Variants in LMX1A observed in about 807,000 individuals in gnomAD.
LMX1A encodes LIM homeobox transcription factor 1 alpha.
LMX1A carries 15 observed loss-of-function variants against 49.1 expected under a neutral mutation model. The ratio of observed to expected loss-of-function variants is 0.31; its 90% CI spans 0.20 to 0.47. The LOEUF is 0.47. LMX1A is among the 20% of genes least tolerant of loss of function. LMX1A has a pLI of 1.00. For synonymous variants in LMX1A, 167 were observed against 185.7 expected, an observed-to-expected ratio of 0.90 and a Z score of 0.82; for missense variants, 372 against 475.8, an observed-to-expected ratio of 0.78 and a Z score of 2.03.
chr1:165,291,203 A>T (rs1441053975), intron 3 of LMX1A, among the ~76,000 whole-genome samples: 2 of 152,232 alleles, frequency 1.3e-5, no homozygotes, highest in Non-Finnish European at 2.9e-5. Context: ...TAATGATTAA[A>T]TGCCAACTTC....
intron 3 of LMX1A, among the ~76,000 whole-genome samples, chr1:165,347,057 T>C (rs1336633503): frequency 1.3e-5 from 2 of 152,210 alleles, no homozygotes; most frequent in Admixed American, 6.5e-5. Flanking sequence ...TAACTAATTT[T>C]AGTTGTGATA....
At chr1:165,237,117 A>G (rs181118955) in intron 4 of LMX1A, among the ~76,000 whole-genome samples, 4 of 152,334 alleles carry the variant, frequency 2.6e-5, no homozygotes, top group Non-Finnish European at 4.4e-5. Context: ...TCCTTGCCCA[A>G]TGTAAATGCT....
chr1:165,205,703 C>T (rs1651044869), intron 8 of LMX1A, among the ~76,000 whole-genome samples, 161 bp downstream of exon 8: 1 of 152,176 alleles, frequency 6.6e-6, no homozygotes, highest in South Asian at 2.1e-4. Context: ...AGGTCTTTCT[C>T]CTGTAGTCAT....
At chr1:165,217,882 A>G (rs1048423212) in intron 4 of LMX1A, among the ~76,000 whole-genome samples, 3 of 152,086 alleles carry the variant, frequency 2.0e-5, no homozygotes, top group African/African-American at 7.2e-5. Flanking sequence ...ATTCTCTTCC[A>G]TCCCTTTACA....
intron 3 of LMX1A, among the ~76,000 whole-genome samples, chr1:165,270,221 C>T (rs1472591343): frequency 2.0e-5 from 3 of 152,056 alleles, no homozygotes; most frequent in Admixed American, 6.6e-5. Context: ...TTATCCTGCC[C>T]CCAGCTACCT....
intron 3 of LMX1A, among the ~76,000 whole-genome samples, chr1:165,321,823 C>A (rs914192024): frequency 5.3e-5 from 8 of 152,138 alleles, no homozygotes; most frequent in Middle Eastern, 3.4e-3. Flanking sequence ...AAAAGACAAC[C>A]CACAGAATAG....
intron 4 of LMX1A, among the ~76,000 whole-genome samples, chr1:165,237,464 G>A (rs1246749437): frequency 3.3e-5 from 5 of 151,994 alleles, no homozygotes; most frequent in African/African-American, 1.2e-4. Flanking sequence ...TGATCCGCCC[G>A]CCTCGGCCTC....
At chr1:165,345,725 T>C (rs538073684) in intron 3 of LMX1A, among the ~76,000 whole-genome samples, 27 of 152,176 alleles carry the variant, frequency 1.8e-4, no homozygotes, top group Non-Finnish European at 3.8e-4. Flanking sequence ...GACTGTTATT[T>C]TGTGCCTCTA....
chr1:165,229,270 G>T (rs1652158333), intron 4 of LMX1A, among the ~76,000 whole-genome samples: 1 of 152,130 alleles, frequency 6.6e-6, no homozygotes, highest in East Asian at 1.9e-4. Flanking sequence ...TCTGCTTAAG[G>T]TACCCAAGTC....
intron 4 of LMX1A, among the ~76,000 whole-genome samples, chr1:165,236,211 C>T (rs904542470): frequency 3.9e-5 from 6 of 152,212 alleles, no homozygotes; most frequent in Non-Finnish European, 8.8e-5. Flanking sequence ...CACCCGCCGC[C>T]CTTTCGCTAA....
intron 4 of LMX1A, among the ~76,000 whole-genome samples, chr1:165,219,530 G>A (rs375942193): frequency 6.6e-6 from 1 of 152,134 alleles, no homozygotes; most frequent in African/African-American, 2.4e-5. Flanking sequence ...TGCACTATAG[G>A]ACTAAAATTC....
intron 3 of LMX1A, among the ~76,000 whole-genome samples, chr1:165,316,605 G>A (rs115811610): frequency 0.054 from 8,156 of 152,270 alleles, 672 homozygotes; most frequent in African/African-American, 0.18. Context: ...TGAGACATAC[G>A]CACAAGTGCT....
At chr1:165,268,285 A>G (rs1194315222) in intron 3 of LMX1A, among the ~76,000 whole-genome samples, 1 of 152,188 alleles carries the variant, frequency 6.6e-6, no homozygotes, top group African/African-American at 2.4e-5. Context: ...ATATTGCATA[A>G]ACCAAAGCAT....
chr1:165,309,577 T>A (rs890437081), intron 3 of LMX1A, among the ~76,000 whole-genome samples: 4 of 152,214 alleles, frequency 2.6e-5, no homozygotes, highest in African/African-American at 9.6e-5. Context: ...ATCTGCCCAA[T>A]CCTTCCTGTA....
At chr1:165,208,178 C>A in intron 6 of LMX1A, 46 bp from the exon 7 acceptor site, 1 of 1,577,210 alleles carries the variant, frequency 6.3e-7, no homozygotes. Flanking sequence ...TGGCCTGCAG[C>A]ATGTTCACAA....
intron 3 of LMX1A, among the ~76,000 whole-genome samples, chr1:165,322,352 T>G (rs1269905350): frequency 1.3e-5 from 2 of 152,146 alleles, no homozygotes; most frequent in Non-Finnish European, 2.9e-5. Context: ...TGAAAATAGG[T>G]GTTCAAACAA....
In LMX1A at chr1:165,203,970, T is replaced by G; in HGVS notation, c.1059A>C (p.Leu353=). The change falls in exon 9 of 9, where the codon CTA becomes CTC. Residue 353 remains leucine (L), a synonymous_variant. Coordinates refer to ENST00000342310, the MANE Select transcript of LMX1A (RefSeq NM_177398.4). Reference sequence around the variant, plus strand: ...GCAGAGGCCCAGCTTCTGAGGTTGCTAGGAAACAATCACCCAGGTTACTGA... The same window carrying G: ...GCAGAGGCCCAGCTTCTGAGGTTGCGAGGAAACAATCACCCAGGTTACTGA... ...TSLSNLGDCF[L]ATSEAGPLQS... 1.2e-6 allele frequency: 2 copies of G among 1,614,070 alleles called. No homozygotes were observed. The highest frequency in any genetic ancestry group is 1.7e-6 in the Non-Finnish European group (2 of 1,180,004).
At position 165,355,349 on chromosome 1, in the gene LMX1A, T is replaced by C; in HGVS notation, c.76+135A>G. On this transcript the variant is annotated intron_variant, in intron 2 of 8. Transcript: ENST00000342310. The surrounding 1 kb of genome is among the most constrained non-coding windows in gnomAD (Gnocchi z 4.7). ...CCCACAAGCACTGACGGACAGATAG[T>C]GATGGGGCTCAATTTAGTGTATGAA... 1 of 785,472 alleles carries C rather than the reference T, an allele frequency of 1.3e-6. No homozygotes were observed. The highest frequency in any genetic ancestry group is 2.1e-6 in the Non-Finnish European group (1 of 478,158). The allele number at this position is 785,472 out of a possible 1,614,324, so 48.7% of individuals were successfully genotyped here. A position where few individuals can be genotyped will look rare whatever the true frequency, so the allele number is the denominator to read the frequency against.
At chr1:165,279,915 C>T (rs1021528478) in intron 3 of LMX1A, among the ~76,000 whole-genome samples, 6 of 149,276 alleles carry the variant, frequency 4.0e-5, no homozygotes, top group South Asian at 2.3e-4. Flanking sequence ...GCTCGTTTTA[C>T]TGCCTGGCAA....
Sources: allele counts gnomAD v4.1 joint callset (sites outside exome capture counted in the v4.1 genomes callset), GRCh38; gene constraint gnomAD v4.1.1; non-coding constraint Gnocchi (gnomAD v3.1); transcripts MANE v1.5; gene names NCBI Gene and HGNC (gene_info 2026-07-23, HGNC 2026-07-21).